The following RFX3 variants were observed in gnomAD, a reference collection of about 807,000 sequenced individuals.
RFX3 encodes regulatory factor X3, also known as transcription factor RFX3.
In RFX3, 14 loss-of-function variants were observed where a neutral mutation model predicts 98.6. That is an observed-to-expected ratio of 0.14 (90% CI 0.09 to 0.22). The LOEUF is 0.22. RFX3 is among the 10% of genes least tolerant of loss of function. RFX3 has a pLI of 1.00. For synonymous variants in RFX3, 383 were observed against 328.4 expected, an observed-to-expected ratio of 1.17 and a Z score of -1.80; for missense variants, 639 against 926.9, an observed-to-expected ratio of 0.69 and a Z score of 4.03.
At chr9:3,291,397 A>T in intron 6 of RFX3, among the ~76,000 whole-genome samples, 1 of 91,834 alleles carries the variant, frequency 1.1e-5, no homozygotes, top group African/African-American at 7.6e-5. Context: ...AACAAAAACA[A>T]AACAAAACAA....
At chr9:3,255,555 C>T (rs140037906) in intron 14 of RFX3, among the ~76,000 whole-genome samples, 214 of 152,300 alleles carry the variant, frequency 1.4e-3, no homozygotes, top group African/African-American at 4.8e-3. Context: ...GTGGGGCCAG[C>T]TTTATCTAAA....
chr9:3,387,740 C>G (rs1218232004), intron 2 of RFX3, among the ~76,000 whole-genome samples: 2 of 151,912 alleles, frequency 1.3e-5, no homozygotes, highest in African/African-American at 2.4e-5. Flanking sequence ...CTCAGGGAAC[C>G]AAGCCAATGG....
chr9:3,491,302 T>G (rs1046249451), intron 1 of RFX3, among the ~76,000 whole-genome samples: 2 of 152,110 alleles, frequency 1.3e-5, no homozygotes, highest in South Asian at 4.1e-4. Context: ...ACATCAAAAA[T>G]GTAATAATCT....
chr9:3,270,778 T>C, intron 10 of RFX3: 3 of 681,400 alleles, frequency 4.4e-6, no homozygotes, highest in South Asian at 4.0e-5. Context: ...TCCATGAGGA[T>C]GAAATAACTA....
chr9:3,496,472 T>C (rs934140809), intron 1 of RFX3, among the ~76,000 whole-genome samples: 3 of 152,008 alleles, frequency 2.0e-5, no homozygotes, highest in Admixed American at 2.0e-4. Context: ...ACTGCCATGT[T>C]ACTATTTTCA....
chr9:3,406,584 C>A (rs1305799477), intron 1 of RFX3, among the ~76,000 whole-genome samples: 1 of 151,992 alleles, frequency 6.6e-6, no homozygotes, highest in Non-Finnish European at 1.5e-5. Flanking sequence ...AGCCACAGTG[C>A]CCAATATATA....
At chr9:3,372,212 A>G (rs1436949175) in intron 2 of RFX3, among the ~76,000 whole-genome samples, 3 of 152,320 alleles carry the variant, frequency 2.0e-5, no homozygotes. Context: ...CTCTCTGCCT[A>G]TGACCAACAG....
chr9:3,492,806 A>G (rs1322877874), intron 1 of RFX3, among the ~76,000 whole-genome samples: 4 of 152,226 alleles, frequency 2.6e-5, no homozygotes, highest in African/African-American at 4.8e-5. Context: ...TTATCTCATT[A>G]TAAAGCTGTT....
Position 3,225,122 on chromosome 9 carries a change from T to C in RFX3, c.2170A>G (p.Ile724Val). Residue 724 changes from isoleucine to valine, a missense_variant, in exon 17 of 17, where the codon ATT becomes GTT. Ile to Val is a conservative substitution (Grantham distance 29, BLOSUM62 3). Around this residue, in one of 9 missense-constraint regions of RFX3, gnomAD observed 129 missense variants for 124.6 expected, o/e 1.04. Coordinates refer to ENST00000617270, the MANE Select transcript of RFX3 (RefSeq NM_001282116.2). ...CTTGTGACAATGTGCTCGCTGTGAA[T>C]TGGATTCAGGAGGCTTGGTTGCACG... ...TGVQPSLLNP[I>V]HSEHIVTSTQ... 6.2e-7 allele frequency: 1 copy of C among 1,613,992 alleles called. No individual in the cohort carries two copies. The highest frequency in any genetic ancestry group is 8.5e-7 in the Non-Finnish European group (1 of 1,179,944).
intron 1 of RFX3, among the ~76,000 whole-genome samples, chr9:3,519,217 G>A (rs908345350): frequency 6.6e-6 from 1 of 152,108 alleles, no homozygotes; most frequent in Admixed American, 6.6e-5. Context: ...CCATTATAAG[G>A]CTGCAGAGTA....
At chr9:3,353,803 T>C (rs1273854084) in intron 2 of RFX3, among the ~76,000 whole-genome samples, 1 of 151,876 alleles carries the variant, frequency 6.6e-6, no homozygotes, top group Non-Finnish European at 1.5e-5. Context: ...AAATTAGACA[T>C]ATAAAGAAGC....
At chr9:3,255,502 C>G (rs956989598) in intron 14 of RFX3, among the ~76,000 whole-genome samples, 1 of 152,232 alleles carries the variant, frequency 6.6e-6, no homozygotes, top group Admixed American at 6.5e-5. Flanking sequence ...ACAGTAGAGA[C>G]TGCCTATACT....
intron 2 of RFX3, among the ~76,000 whole-genome samples, chr9:3,383,623 C>A (rs950141834): frequency 3.3e-5 from 5 of 151,992 alleles, no homozygotes; most frequent in East Asian, 3.9e-4. Context: ...TACTACGCAG[C>A]CAGGACAAAG....
intron 1 of RFX3, among the ~76,000 whole-genome samples, chr9:3,522,470 C>T (rs550096044): frequency 3.9e-5 from 6 of 152,144 alleles, no homozygotes; most frequent in Non-Finnish European, 8.8e-5. Context: ...TACTTCTTCC[C>T]TATTCTCATT....
chr9:3,318,597 A>T (rs924976335), intron 4 of RFX3, among the ~76,000 whole-genome samples: 4 of 151,370 alleles, frequency 2.6e-5, no homozygotes, highest in Admixed American at 2.6e-4. Flanking sequence ...TTGGCTTTTC[A>T]TGTCCTCTTT....
chr9:3,411,336 C>T (rs1018241569), intron 1 of RFX3, among the ~76,000 whole-genome samples: 3 of 151,942 alleles, frequency 2.0e-5, no homozygotes, highest in Non-Finnish European at 4.4e-5. Flanking sequence ...CCCCTTTCTC[C>T]CTTGCTCCTT....
chr9:3,471,598 T>TA (rs1175305159), intron 1 of RFX3, among the ~76,000 whole-genome samples: 1 of 152,232 alleles, frequency 6.6e-6, no homozygotes, highest in East Asian at 1.9e-4. Context: ...CATAATCACT[T>TA]ATGTTCCCAA....
intron 7 of RFX3, among the ~76,000 whole-genome samples, chr9:3,281,880 T>G (rs1025878992): frequency 6.6e-6 from 1 of 151,768 alleles, no homozygotes; most frequent in African/African-American, 2.4e-5. Flanking sequence ...GGTATATATT[T>G]ACCATTACAT....
intron 4 of RFX3, among the ~76,000 whole-genome samples, chr9:3,305,273 C>T (rs541760255): frequency 5.3e-5 from 8 of 151,726 alleles, no homozygotes; most frequent in African/African-American, 1.2e-4. Context: ...ATAATGTATG[C>T]GGGAATCAGG....
Sources: allele counts gnomAD v4.1 joint callset (sites outside exome capture counted in the v4.1 genomes callset), GRCh38; gene constraint gnomAD v4.1.1; regional missense constraint gnomAD v4.1.1; transcripts MANE v1.5; gene names NCBI Gene and HGNC (gene_info 2026-07-23, HGNC 2026-07-21).